SULT1E1: variants seen among roughly 807,000 people sequenced by gnomAD.
SULT1E1 encodes the protein sulfotransferase 1E1.
SULT1E1 carries 36 observed loss-of-function variants against 33.6 expected under a neutral mutation model. That is an observed-to-expected ratio of 1.07 (90% confidence interval 0.82 to 1.41). The LOEUF (loss-of-function observed/expected upper bound fraction) is 1.41, where lower values mean the gene tolerates loss of function less well. Among genes scored for constraint, SULT1E1 ranks in the 40% most tolerant of loss-of-function variants. SULT1E1 has a pLI of 0.00. For missense variants in SULT1E1, 371 were observed against 345.7 expected (o/e 1.07, Z -0.58); for synonymous variants, 121 against 111.7 (o/e 1.08, Z -0.53).
intron 2 of SULT1E1, among the ~76,000 whole-genome samples, chr4:69,856,730 C>G (rs1331642410): frequency 6.6e-6 from 1 of 151,704 alleles, no homozygotes. Context: ...GTCAGGAGAT[C>G]GAGACCATCC....
chr4:69,823,455 C>T, the SULT1E1 span, among the ~76,000 whole-genome samples: 4 of 152,090 alleles, frequency 2.6e-5, no homozygotes, highest in African/African-American at 4.8e-5. Context: ...ATAGTTAAGG[C>T]TTCCTCTTTA....
At position 69,854,268 on chromosome 4, in the gene SULT1E1, A is replaced by T; in HGVS notation, c.318T>A (p.Thr106=). 6.2e-7 allele frequency: 1 copy of T among 1,612,232 alleles called. No individual in the cohort carries two copies. The highest frequency in any genetic ancestry group is 8.5e-7 in the Non-Finnish European group (1 of 1,178,804). ...DEMNSPRIVK[T]HLPPELLPAS... is the part of the protein sequence containing the mutation. ...CAGGAAGAAGTTCAGGTGGCAAATG[A>T]GTCTTCACAATTCTAGGAGAATTCA... The change falls in exon 4 of 8, where the codon ACT becomes ACA. Residue 106 remains threonine (T), a synonymous_variant. Coordinates refer to ENST00000226444, the MANE Select transcript of SULT1E1 (RefSeq NM_005420.3).
At chr4:69,853,571 A>G (rs1721170461) in intron 4 of SULT1E1, among the ~76,000 whole-genome samples, 2 of 151,908 alleles carry the variant, frequency 1.3e-5, no homozygotes, top group African/African-American at 4.8e-5. Context: ...TGCCTTCCCT[A>G]CCCCCAGTGT....
chr4:69,834,100 C>G, the SULT1E1 span, among the ~76,000 whole-genome samples: 1 of 152,082 alleles, frequency 6.6e-6, no homozygotes, highest in Non-Finnish European at 1.5e-5. Context: ...TGCCCATTCC[C>G]TACATATTGG....
downstream of SULT1E1, among the ~76,000 whole-genome samples, chr4:69,836,781 A>G (rs1174469043): frequency 6.6e-6 from 1 of 152,212 alleles, no homozygotes; most frequent in Non-Finnish European, 1.5e-5. Context: ...TGTTTCTGTA[A>G]TAATACTGTG....
chr4:69,847,539 T>A (rs1721003791), intron 6 of SULT1E1, among the ~76,000 whole-genome samples, 159 bp downstream of exon 6: 1 of 151,832 alleles, frequency 6.6e-6, no homozygotes, highest in Non-Finnish European at 1.5e-5. Flanking sequence ...TAGCTTCAAA[T>A]CTATGCTAAA....
At chr4:69,849,053 C>T (rs1025589510) in intron 5 of SULT1E1, 2 of 153,366 alleles carry the variant, frequency 1.3e-5, no homozygotes, top group African/African-American at 4.8e-5. Flanking sequence ...AACATTCTCT[C>T]TTCTCTAATC....
chr4:69,827,780 G>A, the SULT1E1 span, among the ~76,000 whole-genome samples: 1 of 152,154 alleles, frequency 6.6e-6, no homozygotes, highest in East Asian at 1.9e-4. Context: ...CTTAGTCATG[G>A]CCCTCAGACA....
chr4:69,854,205 G>C lies in SULT1E1; in HGVS notation c.369+12C>G, dbSNP rs772451565. 1.2e-6 allele frequency: 2 copies of C among 1,601,944 alleles called. No homozygotes were observed. Among genetic ancestry groups the C allele is most frequent in the Non-Finnish European group, 1.7e-6 (2 of 1,170,842 alleles). ...ATTGGATGAAGTTTTGAGAACACTT[G>C]ACTCTGGTTACCTTACAATCCTTTT... On this transcript the variant is annotated intron_variant, in intron 4 of 7. Transcript: ENST00000226444.
In SULT1E1 at chr4:69,843,818, C is replaced by A. The variant is rs191022594; in HGVS notation, c.772+343G>T. ...AAGAGAGAGGAATAAAATCTTTCTG[C>A]GGAATTTCTGGTTAGAACTTAAAGG... On this transcript the variant is annotated intron_variant, in intron 7 of 7. Coordinates refer to ENST00000226444, the MANE Select transcript of SULT1E1 (RefSeq NM_005420.3). Among the ~76,000 whole-genome samples, 4 of 152,228 alleles carry A rather than the reference C, an allele frequency of 2.6e-5. No individual in the cohort carries two copies. In the East Asian group the frequency reaches 7.7e-4, roughly 29 times the overall value.
At chr4:69,837,274 G>A (rs1227900367), downstream of SULT1E1, among the ~76,000 whole-genome samples, 2 of 152,030 alleles carry the variant, frequency 1.3e-5, no homozygotes, top group Non-Finnish European at 2.9e-5. Context: ...ATAATTTTAT[G>A]TTCCATTTTA....
the SULT1E1 span, among the ~76,000 whole-genome samples, chr4:69,824,145 A>G: frequency 6.6e-6 from 1 of 152,210 alleles, no homozygotes; most frequent in East Asian, 1.9e-4. Flanking sequence ...CATCAAAGTT[A>G]CACCTGAGTG....
downstream of SULT1E1, among the ~76,000 whole-genome samples, chr4:69,839,385 C>T (rs1285532541): frequency 2.0e-5 from 3 of 152,116 alleles, no homozygotes; most frequent in African/African-American, 7.2e-5. Context: ...CAATAATGAA[C>T]CCACTCCTGG....
intron 5 of SULT1E1, among the ~76,000 whole-genome samples, chr4:69,848,625 A>G (rs11249467): frequency 0.032 from 4,822 of 151,688 alleles, 109 homozygotes; most frequent in Admixed American, 0.058. Context: ...GGTCTTGACA[A>G]TCTTAAGACA....
the SULT1E1 span, among the ~76,000 whole-genome samples, chr4:69,827,497 A>C: frequency 2.0e-5 from 3 of 152,200 alleles, no homozygotes; most frequent in African/African-American, 7.2e-5. Context: ...ACTCCGGGAA[A>C]GGAAGAAAAT....
chr4:69,829,720 C>T, the SULT1E1 span, among the ~76,000 whole-genome samples: 1 of 152,210 alleles, frequency 6.6e-6, no homozygotes, highest in East Asian at 1.9e-4. Flanking sequence ...CCTCCTATTA[C>T]ACATCTCTTT....
chr4:69,848,603 C>A (rs1721030859), intron 5 of SULT1E1, among the ~76,000 whole-genome samples: 1 of 151,800 alleles, frequency 6.6e-6, no homozygotes, highest in South Asian at 2.1e-4. Context: ...TATTTCTCTG[C>A]CCTGCAGTGG....
chr4:69,847,826 TATC>T (rs780291624), intron 5 of SULT1E1, 34 bp from the exon 6 acceptor site: 1 of 1,420,320 alleles, frequency 7.0e-7, no homozygotes, highest in African/African-American at 1.4e-5. Context: ...GTAAAAGTGG[TATC>T]ATCTCTAAAA....
chr4:69,855,349 A>G lies in SULT1E1; in HGVS notation c.223T>C (p.Phe75Leu). Residue 75 changes from phenylalanine to leucine, a missense_variant, in exon 3 of 8, where the codon TTT becomes CTT. Physicochemically the swap from Phe to Leu is conservative, Grantham distance 22. Coordinates refer to ENST00000226444, the MANE Select transcript of SULT1E1 (RefSeq NM_005420.3). ...DVEKCKEDVI[F>L]NRIPFLECRK... Reference sequence around the variant, plus strand: ...CATTCCAGGAAAGGTATTCGATTAAAAATTACATCTTCTTTGCACTTTTCC... The same window carrying G: ...CATTCCAGGAAAGGTATTCGATTAAGAATTACATCTTCTTTGCACTTTTCC... 6.2e-7 allele frequency: 1 copy of G among 1,613,294 alleles called. No homozygotes were observed. The highest frequency in any genetic ancestry group is 8.5e-7 in the Non-Finnish European group (1 of 1,179,586).
Sources: allele counts gnomAD v4.1 joint callset (sites outside exome capture counted in the v4.1 genomes callset), GRCh38; gene constraint gnomAD v4.1.1; transcripts MANE v1.5; gene names NCBI Gene and HGNC (gene_info 2026-07-23, HGNC 2026-07-21).